The following RAB27B variants were observed in gnomAD, a reference collection of about 807,000 sequenced individuals.
The protein encoded by RAB27B is ras-related protein Rab-27B.
RAB27B carries 15 observed loss-of-function variants against 24.6 expected under a neutral mutation model. The observed-to-expected ratio is 0.61, with a 90% CI of 0.41 to 0.94. RAB27B has a LOEUF of 0.94. Among genes scored for constraint, RAB27B ranks in the 40% least tolerant of loss-of-function variants. The pLI is 0.00. For missense variants in RAB27B, 261 were observed against 266.8 expected, an observed-to-expected ratio of 0.98 and a Z score of 0.15; for synonymous variants, 105 against 92.5, an observed-to-expected ratio of 1.14 and a Z score of -0.78.
At chr18:54,834,750 G>A (rs1910827798) in intron 1 of RAB27B, among the ~76,000 whole-genome samples, 1 of 149,904 alleles carries the variant, frequency 6.7e-6, no homozygotes, top group Non-Finnish European at 1.5e-5. Flanking sequence ...CTCTATAATA[G>A]AGGGAAAATT....
At chr18:54,720,849 T>C (rs2144970601) in intron 2 of RAB27B, among the ~76,000 whole-genome samples, 1 of 152,224 alleles carries the variant, frequency 6.6e-6, no homozygotes, top group South Asian at 2.1e-4. Flanking sequence ...TATGAGTTTT[T>C]AAGAATCTGT....
intron 1 of RAB27B, among the ~76,000 whole-genome samples, chr18:54,868,349 T>C (rs1912324808): frequency 6.6e-6 from 1 of 152,166 alleles, no homozygotes; most frequent in East Asian, 1.9e-4. Context: ...CCTTCCACTA[T>C]GATTGTAATC....
intron 2 of RAB27B, among the ~76,000 whole-genome samples, chr18:54,756,749 GGCATGAA>G (rs2145042617): frequency 6.6e-6 from 1 of 152,204 alleles, no homozygotes; most frequent in East Asian, 1.9e-4. Flanking sequence ...GGTAGAAGAA[GGCATGAA>G]GCATGAAGGT....
intron 4 of RAB27B, among the ~76,000 whole-genome samples, chr18:54,887,773 T>C (rs1913205812): frequency 6.6e-6 from 1 of 152,190 alleles, no homozygotes; most frequent in African/African-American, 2.4e-5. Flanking sequence ...AGGTGTTTCA[T>C]ATATATTATT....
chr18:54,772,147 T>G (rs1335652244), intron 2 of RAB27B, among the ~76,000 whole-genome samples: 1 of 152,208 alleles, frequency 6.6e-6, no homozygotes, highest in Non-Finnish European at 1.5e-5. Context: ...AGTGACAATA[T>G]TATCAGTATA....
At chr18:54,852,184 A>G (rs942165351) in intron 1 of RAB27B, among the ~76,000 whole-genome samples, 5 of 152,188 alleles carry the variant, frequency 3.3e-5, no homozygotes, top group African/African-American at 1.2e-4. Flanking sequence ...ACTTAGTACC[A>G]AGAGATCATT....
chr18:54,866,038 C>G (rs1379313550), intron 1 of RAB27B, among the ~76,000 whole-genome samples: 2 of 151,978 alleles, frequency 1.3e-5, no homozygotes, highest in East Asian at 3.9e-4. Flanking sequence ...AGACAGATAC[C>G]TCATGCTGTA....
At chr18:54,766,888 A>G (rs1212413851) in intron 2 of RAB27B, among the ~76,000 whole-genome samples, 4 of 152,170 alleles carry the variant, frequency 2.6e-5, no homozygotes, top group Non-Finnish European at 1.5e-5. Context: ...TCACTAATGC[A>G]TTGTAATGTG....
At position 54,796,223 on chromosome 18, in the gene RAB27B, C is replaced by G. The variant is rs116549079; in HGVS notation, c.-20+78082C>G. 2.4e-3 allele frequency among the ~76,000 whole-genome samples: 370 copies of G among 152,262 alleles called. 1 individual carries two copies. The highest frequency in any genetic ancestry group is 8.5e-3 in the African/African-American group (353 of 41,546). On this transcript the variant is annotated intron_variant, in intron 2 of 4. Transcript: ENST00000586570. ...CATGGGGAGTGCTTTTGGGCTCCAG[C>G]CCCATGGCTGCATCTAGGGGTGGGT...
chr18:54,874,839 C>A (rs2145266124), intron 1 of RAB27B, among the ~76,000 whole-genome samples: 1 of 152,262 alleles, frequency 6.6e-6, no homozygotes. Context: ...CATTATCACC[C>A]TCCAAAATAG....
intron 4 of RAB27B, among the ~76,000 whole-genome samples, chr18:54,885,427 C>T (rs1913093735): frequency 6.6e-6 from 1 of 152,162 alleles, no homozygotes; most frequent in African/African-American, 2.4e-5. Context: ...CTCCGTAATT[C>T]CCTCTTACTT....
chr18:54,802,520 G>C (rs913851645), intron 2 of RAB27B, among the ~76,000 whole-genome samples: 2 of 152,166 alleles, frequency 1.3e-5, no homozygotes, highest in Non-Finnish European at 2.9e-5. Flanking sequence ...CAGCAACTGG[G>C]AGATTTTCTC....
intron 1 of RAB27B, among the ~76,000 whole-genome samples, chr18:54,846,116 G>A (rs756854800): frequency 1.3e-5 from 2 of 152,138 alleles, no homozygotes; most frequent in Admixed American, 6.6e-5. Context: ...GTCAGCGCTT[G>A]AGGGACTGTC....
At chr18:54,739,521 A>C (rs1000082116) in intron 2 of RAB27B, among the ~76,000 whole-genome samples, 1 of 149,078 alleles carries the variant, frequency 6.7e-6, no homozygotes, top group Non-Finnish European at 1.5e-5. Context: ...CTGTTGATGT[A>C]CCCTTAAATT....
intron 2 of RAB27B, among the ~76,000 whole-genome samples, chr18:54,812,129 C>T (rs1371655625): frequency 2.6e-5 from 4 of 152,018 alleles, no homozygotes; most frequent in Non-Finnish European, 5.9e-5. Flanking sequence ...TGAATGAATA[C>T]CTTTCTATTA....
intron 2 of RAB27B, among the ~76,000 whole-genome samples, chr18:54,739,097 G>T (rs1198647240): frequency 1.3e-5 from 2 of 152,108 alleles, no homozygotes; most frequent in Admixed American, 1.3e-4. Context: ...TCATGTTTTT[G>T]AGTTTTGCTG....
intron 2 of RAB27B, among the ~76,000 whole-genome samples, chr18:54,794,017 A>T (rs1909336201): frequency 6.6e-6 from 1 of 152,264 alleles, no homozygotes; most frequent in Non-Finnish European, 1.5e-5. Flanking sequence ...TTTGAAAGGC[A>T]GGCTGGCTGG....
At chr18:54,809,341 C>T (rs1909892123) in intron 2 of RAB27B, among the ~76,000 whole-genome samples, 1 of 152,132 alleles carries the variant, frequency 6.6e-6, no homozygotes, top group Non-Finnish European at 1.5e-5. Context: ...GTAGAGTATG[C>T]ACTGAAGAGC....
intron 2 of RAB27B, among the ~76,000 whole-genome samples, chr18:54,787,518 G>A (rs1301517843): frequency 6.6e-6 from 1 of 152,160 alleles, no homozygotes; most frequent in Non-Finnish European, 1.5e-5. Flanking sequence ...TTCCTGTTCA[G>A]AGAGAAGGCC....
Sources: gnomAD v4.1 joint callset for allele counts (sites outside exome capture counted in the v4.1 genomes callset) on GRCh38, gnomAD v4.1.1 for gene constraint, MANE v1.5 for transcripts, NCBI Gene and HGNC (gene_info 2026-07-23, HGNC 2026-07-21) for gene names.